ADAM9: variants seen among roughly 807,000 people sequenced by gnomAD.
The protein encoded by ADAM9 is disintegrin and metalloproteinase domain-containing protein 9.
A neutral mutation model predicts 108.1 loss-of-function variants in ADAM9; 54 were observed. That is an observed-to-expected ratio of 0.50 (90% CI 0.40 to 0.63). The LOEUF is 0.63. Ranked by LOEUF, ADAM9 falls within the 20% of genes least tolerant of loss-of-function variation. ADAM9 has a pLI of 0.00. For synonymous variants in ADAM9, 316 were observed against 336.0 expected (o/e 0.94, Z 0.65); for missense variants, 830 against 997.7 (o/e 0.83, Z 2.26).
In ADAM9 at chr8:39,026,657, T is replaced by C. The variant is rs6985673; in HGVS notation, c.997-20T>C. On this transcript the variant is annotated intron_variant, in intron 10 of 21. Coordinates refer to ENST00000487273, the MANE Select transcript of ADAM9 (RefSeq NM_003816.3). Reference sequence around the variant, plus strand: ...TCTTTGCGTTCAGAAACCTAATTACTACCTTCCTGTTCTGAACAGTTTGGA... The same window carrying C: ...TCTTTGCGTTCAGAAACCTAATTACCACCTTCCTGTTCTGAACAGTTTGGA... 7.7e-3 allele frequency: 12,440 copies of C among 1,614,052 alleles called. 843 individuals are homozygous for C. The African/African-American group carries it at 0.15, about 19-fold the overall frequency.
chr8:39,070,011 A>G (rs927496445), intron 14 of ADAM9, among the ~76,000 whole-genome samples: 6 of 149,490 alleles, frequency 4.0e-5, no homozygotes, highest in African/African-American at 1.5e-4. Context: ...AAATTAGTCA[A>G]GTGTGGTGGT....
intron 16 of ADAM9, among the ~76,000 whole-genome samples, chr8:39,078,503 T>C (rs1166657645): frequency 1.3e-5 from 2 of 152,120 alleles, no homozygotes; most frequent in Non-Finnish European, 2.9e-5. Context: ...AAATTAGGGC[T>C]GGGCACGGTG....
intron 14 of ADAM9, among the ~76,000 whole-genome samples, chr8:39,063,805 C>G (rs1037626874): frequency 2.6e-5 from 4 of 152,192 alleles, no homozygotes; most frequent in African/African-American, 9.7e-5. Flanking sequence ...CTCATTTCAA[C>G]TTTCAAGATC....
At chr8:39,077,124 C>A in intron 15 of ADAM9, 104 bp from the exon 16 acceptor site, 1 of 1,232,322 alleles carries the variant, frequency 8.1e-7, no homozygotes, top group Non-Finnish European at 1.2e-6. Flanking sequence ...TGTTGAGATT[C>A]CCTCCATAGC....
At chr8:39,065,628 C>T (rs532656415) in intron 14 of ADAM9, among the ~76,000 whole-genome samples, 11 of 129,200 alleles carry the variant, frequency 8.5e-5, no homozygotes, top group Non-Finnish European at 1.2e-4. Context: ...CCATTGCACT[C>T]GAGTCTGGGC....
chr8:39,012,655 A>C (rs919495620), intron 3 of ADAM9, among the ~76,000 whole-genome samples: 1 of 152,214 alleles, frequency 6.6e-6, no homozygotes, highest in African/African-American at 2.4e-5. Context: ...AGGGACATGG[A>C]TGAAGCTGGA....
intron 10 of ADAM9, 94 bp downstream of exon 10, chr8:39,025,978 A>G (rs1836907390): frequency 1.2e-5 from 16 of 1,307,260 alleles, no homozygotes; most frequent in Non-Finnish European, 1.5e-5. Flanking sequence ...TCCTTAAAAC[A>G]ATATTTTGGG....
At chr8:39,025,032 G>A (rs1462586363) in intron 9 of ADAM9, among the ~76,000 whole-genome samples, 1 of 152,106 alleles carries the variant, frequency 6.6e-6, no homozygotes, top group African/African-American at 2.4e-5. Context: ...GAGGGAACAG[G>A]TGCTGAGGTA....
At chr8:39,015,530 A>G (rs917311849) in intron 4 of ADAM9, 1 of 152,418 alleles carries the variant, frequency 6.6e-6, no homozygotes, top group Non-Finnish European at 1.5e-5. Context: ...GTTCAGTTAG[A>G]TGAAAGTGTG....
chr8:39,060,159 T>C (rs1219196799), intron 14 of ADAM9, among the ~76,000 whole-genome samples: 1 of 152,206 alleles, frequency 6.6e-6, no homozygotes, highest in Non-Finnish European at 1.5e-5. Flanking sequence ...AGCAGGCCAA[T>C]AGTTTTTTCT....
intron 2 of ADAM9, 36 bp from the exon 3 acceptor site, chr8:39,011,622 A>G (rs755006543): frequency 2.5e-5 from 39 of 1,566,088 alleles, no homozygotes; most frequent in Middle Eastern, 1.9e-4. Flanking sequence ...AATTTTTAAG[A>G]TGATGTTTTA....
chr8:39,018,244 A>G (rs920596409), intron 6 of ADAM9, among the ~76,000 whole-genome samples: 2 of 152,132 alleles, frequency 1.3e-5, no homozygotes, highest in Non-Finnish European at 2.9e-5. Context: ...CATTATTTTT[A>G]TTGCCTCTGC....
chr8:39,100,218 G>A (rs1183751775), intron 20 of ADAM9, among the ~76,000 whole-genome samples: 2 of 151,804 alleles, frequency 1.3e-5, no homozygotes, highest in South Asian at 4.2e-4. Context: ...GGCTGGGCGC[G>A]GTGGCTCATA....
At chr8:39,100,482 G>C (rs1384214799) in intron 20 of ADAM9, among the ~76,000 whole-genome samples, 1 of 147,974 alleles carries the variant, frequency 6.8e-6, no homozygotes, top group Non-Finnish European at 1.5e-5. Flanking sequence ...GACAGAGCCA[G>C]ACTCCGTCTC....
At chr8:39,103,563 AC>A (rs1839765352) in intron 21 of ADAM9, 43 bp from the exon 22 acceptor site, 1 of 1,559,856 alleles carries the variant, frequency 6.4e-7, no homozygotes. Flanking sequence ...GCATTATTTC[AC>A]CCAGTCTAAA....
At chr8:39,052,634 T>A (rs1416933301) in intron 12 of ADAM9, among the ~76,000 whole-genome samples, 1 of 152,074 alleles carries the variant, frequency 6.6e-6, no homozygotes, top group Non-Finnish European at 1.5e-5. Context: ...GCATGTGGAG[T>A]AAGCTTGGAA....
chr8:38,997,280 G>C, intron 1 of ADAM9, 120 bp downstream of exon 1: 1 of 1,207,946 alleles, frequency 8.3e-7, no homozygotes, highest in Non-Finnish European at 1.2e-6. Flanking sequence ...CCGGGGTCGG[G>C]GGGCGCGGCC....
Position 39,103,687 on chromosome 8 carries a change from G to C in ADAM9, c.2447G>C (p.Ser816Thr). The C allele has an allele frequency of 6.2e-7, 1 of 1,613,536 alleles. No homozygotes were observed. The highest frequency in any genetic ancestry group is 8.5e-7 in the Non-Finnish European group (1 of 1,179,756). Residue 816 changes from serine to threonine, a missense_variant, in exon 22 of 22, where the codon AGT (serine) becomes ACT (threonine). By Grantham distance (58) the Ser-to-Thr change is moderately conservative. This residue lies in a region of ADAM9 where 238 missense variants were observed against 235.7 expected (regional missense o/e 1.01). Coordinates refer to ENST00000487273, the MANE Select transcript of ADAM9 (RefSeq NM_003816.3). Reference protein sequence around the residue: ...ARPAPAPPLYSSLT With the variant: ...ARPAPAPPLYTSLT Reference sequence around the variant, plus strand: ...CCTGCTCCTGCACCTCCTTTATATAGTTCCCTCACTTGATTTTTTTAACCT... The same window carrying C: ...CCTGCTCCTGCACCTCCTTTATATACTTCCCTCACTTGATTTTTTTAACCT...
intron 14 of ADAM9, among the ~76,000 whole-genome samples, chr8:39,065,069 A>G (rs760014844): frequency 7.9e-5 from 12 of 151,732 alleles, no homozygotes; most frequent in Non-Finnish European, 1.3e-4. Flanking sequence ...TTAGTTCTGG[A>G]AATTTCTTCC....
Sources: allele counts gnomAD v4.1 joint callset (sites outside exome capture counted in the v4.1 genomes callset), GRCh38; gene constraint gnomAD v4.1.1; regional missense constraint gnomAD v4.1.1; transcripts MANE v1.5; gene names NCBI Gene and HGNC (gene_info 2026-07-23, HGNC 2026-07-21).